NECTIN1: variants seen among roughly 807,000 people sequenced by gnomAD.
NECTIN1 encodes the protein nectin-1.
Under a neutral mutation model 48.0 loss-of-function variants are expected in NECTIN1, and 23 were observed. The observed-to-expected ratio is 0.48, with a 90% confidence interval of 0.34 to 0.68. The LOEUF (loss-of-function observed/expected upper bound fraction) is 0.68. Among genes scored for constraint, NECTIN1 ranks in the 30% least tolerant of loss-of-function variants. The pLI is 0.01. For synonymous variants in NECTIN1, 270 were observed against 288.9 expected (o/e 0.93, Z 0.66); for missense variants, 591 against 709.9 (o/e 0.83, Z 1.90).
At chr11:119,660,760 C>T (rs1484768303), downstream of NECTIN1, among the ~76,000 whole-genome samples, 1 of 152,178 alleles carries the variant, frequency 6.6e-6, no homozygotes, top group Admixed American at 6.5e-5. Context: ...GCCCACCCCT[C>T]CCTCTGCGAT....
At chr11:119,707,234 G>A (rs1865563899) in intron 1 of NECTIN1, among the ~76,000 whole-genome samples, 1 of 152,054 alleles carries the variant, frequency 6.6e-6, no homozygotes, top group South Asian at 2.1e-4. Context: ...CACTCCACCA[G>A]CCCAACCTCA....
intron 5 of NECTIN1, among the ~76,000 whole-genome samples, chr11:119,670,072 C>T (rs369767356): frequency 5.3e-5 from 8 of 151,844 alleles, no homozygotes; most frequent in African/African-American, 1.9e-4. Context: ...GATTCTCCTG[C>T]CTCAGCCTCT....
In NECTIN1 at chr11:119,678,352, G is replaced by A. The variant is rs1864997037; in HGVS notation, c.430+63C>T. The A allele has an allele frequency of 2.0e-6, 3 of 1,464,934 alleles. No individual in the cohort carries two copies. The Admixed American group carries it at 5.0e-5, about 24-fold the overall frequency. 90.7% of individuals were successfully genotyped at this position (1,464,934 alleles called of 1,614,324 possible). A position where few individuals can be genotyped will look rare whatever the true frequency, so the allele number is the denominator to read the frequency against. ...TCTGGGGTCATTGAGGCATCCTGAG[G>A]ATGGCCACGCCCCGAGGTCACAGGC... On this transcript the variant is annotated intron_variant, in intron 2 of 5. Coordinates refer to ENST00000264025, the MANE Select transcript of NECTIN1 (RefSeq NM_002855.5). The surrounding 1 kb of genome is among the most constrained non-coding windows in gnomAD (Gnocchi z 4.4).
At position 119,662,862 on chromosome 11, in the gene NECTIN1, C is replaced by T; in HGVS notation, c.*1885G>A. ...CAAATGTGTAGAGGGGAGAGCCGCA[C>T]CAGGGCTGGCATGGCTTCAGACTTC... On this transcript the variant is annotated 3_prime_UTR_variant, in exon 6 of 6. Coordinates refer to ENST00000264025, the MANE Select transcript of NECTIN1 (RefSeq NM_002855.5). This position sits in a 1 kb window ranked among gnomAD's most constrained non-coding sequence, Gnocchi z 5.3. 1.0e-6 allele frequency: 1 copy of T among 986,134 alleles called. No individual in the cohort carries two copies. The highest frequency in any genetic ancestry group is 1.2e-6 in the Non-Finnish European group (1 of 830,152). 61.1% of individuals were successfully genotyped at this position (986,134 alleles called of 1,614,324 possible).
At chr11:119,689,443 G>A (rs979058371) in intron 1 of NECTIN1, among the ~76,000 whole-genome samples, 1 of 152,200 alleles carries the variant, frequency 6.6e-6, no homozygotes, top group Non-Finnish European at 1.5e-5. Flanking sequence ...CATGCCCCAG[G>A]CACCTCCTGC....
chr11:119,638,728 C>A, intron 7 of NECTIN1: 2 of 1,613,434 alleles, frequency 1.2e-6, no homozygotes, highest in Non-Finnish European at 1.7e-6. Flanking sequence ...GCCTCAGGCC[C>A]ACCTGGATAT....
At chr11:119,657,311 C>T (rs1017879435), downstream of NECTIN1, among the ~76,000 whole-genome samples, 34 of 152,048 alleles carry the variant, frequency 2.2e-4, no homozygotes, top group Non-Finnish European at 4.0e-4. Context: ...TCCTGGGTAG[C>T]TTATTAAAAA....
Position 119,664,432 on chromosome 11 carries a change from A to T in NECTIN1, c.*315T>A. ...CTCCCCAAACCCTGGAGGGATGCCC[A>T]GGTACACAAGACGAGAACAGGGCTC... On this transcript the variant is annotated 3_prime_UTR_variant, in exon 6 of 6. Coordinates refer to ENST00000264025, the MANE Select transcript of NECTIN1 (RefSeq NM_002855.5). 8.7e-7 allele frequency: 1 copy of T among 1,143,226 alleles called. No homozygotes were observed. Among genetic ancestry groups the T allele is most frequent in the Non-Finnish European group, 1.1e-6 (1 of 927,996 alleles). The allele number at this position is 1,143,226 out of a possible 1,614,324, so 70.8% of individuals were successfully genotyped here. A position where few individuals can be genotyped will look rare whatever the true frequency, so the allele number is the denominator to read the frequency against.
chr11:119,696,863 T>G (rs904327619), intron 1 of NECTIN1, among the ~76,000 whole-genome samples: 3 of 152,306 alleles, frequency 2.0e-5, no homozygotes, highest in Admixed American at 2.0e-4. Flanking sequence ...TGCCACATTG[T>G]CTAGGGAAGA....
At chr11:119,653,393 C>T (rs1864519587) in intron 5 of NECTIN1, among the ~76,000 whole-genome samples, 1 of 152,204 alleles carries the variant, frequency 6.6e-6, no homozygotes. Context: ...GTGAATGTGG[C>T]CTCACATTCC....
chr11:119,678,795 G>C lies in NECTIN1; in HGVS notation c.80-30C>G, dbSNP rs749433412. The C allele has an allele frequency of 3.3e-6, 5 of 1,525,888 alleles. No homozygotes were observed. The highest frequency in any genetic ancestry group is 1.9e-5 in the Admixed American group (1 of 53,768). The allele number at this position is 1,525,888 out of a possible 1,614,324, so 94.5% of individuals were successfully genotyped here. On this transcript the variant is annotated intron_variant, in intron 1 of 5. Coordinates refer to ENST00000264025, the MANE Select transcript of NECTIN1 (RefSeq NM_002855.5). The surrounding 1 kb of genome is among the most constrained non-coding windows in gnomAD (Gnocchi z 4.4). ...CCAGGAGGATGGCAGCAAGTGGTCA[G>C]TGTCAGGCACAGCCTCCCCCCACCC...
At chr11:119,647,161 A>ATGTGTG (rs58590467) in intron 5 of NECTIN1, among the ~76,000 whole-genome samples, 3,189 of 84,608 alleles carry the variant, frequency 0.038, 245 homozygotes, top group Middle Eastern at 0.042. Flanking sequence ...CTTGCGGCGC[A>ATGTGTG]TGTGTGTGTG....
Position 119,728,602 on chromosome 11 carries a change from C to T in NECTIN1, c.-49G>A. 7.4e-7 allele frequency: 1 copy of T among 1,352,756 alleles called. No homozygotes were observed. The highest frequency in any genetic ancestry group is 1.0e-6 in the Non-Finnish European group (1 of 989,598). 83.8% of individuals were successfully genotyped at this position (1,352,756 alleles called of 1,614,324 possible). ...GGGGCGGCGAGGGCAGCGCTCCTCGCGCAGCAGAAACCAGCCCGGAAGATG... is the reference window on the plus strand; with the variant it reads ...GGGGCGGCGAGGGCAGCGCTCCTCGTGCAGCAGAAACCAGCCCGGAAGATG... On this transcript the variant is annotated 5_prime_UTR_variant, in exon 1 of 6. Transcript: ENST00000264025.
intron 6 of NECTIN1, among the ~76,000 whole-genome samples, chr11:119,639,007 C>G (rs900890867): frequency 5.3e-5 from 8 of 152,142 alleles, no homozygotes; most frequent in African/African-American, 1.9e-4. Context: ...GAGTGCCCGG[C>G]CACCTTTCCC....
At chr11:119,655,261 T>C (rs1864554008) in intron 5 of NECTIN1, among the ~76,000 whole-genome samples, 2 of 152,002 alleles carry the variant, frequency 1.3e-5, no homozygotes, top group African/African-American at 4.8e-5. Flanking sequence ...ACAATCAGAT[T>C]GAGTGGAAGG....
intron 1 of NECTIN1, among the ~76,000 whole-genome samples, chr11:119,708,191 T>C (rs1865579467): frequency 6.6e-6 from 1 of 151,968 alleles, no homozygotes; most frequent in South Asian, 2.1e-4. Flanking sequence ...CAGGAGTCCT[T>C]GAGACAGACA....
chr11:119,707,603 C>A (rs935532050), intron 1 of NECTIN1, among the ~76,000 whole-genome samples: 1 of 152,220 alleles, frequency 6.6e-6, no homozygotes, highest in African/African-American at 2.4e-5. Context: ...CCTGCTATGC[C>A]AAGTTGCAGA....
At chr11:119,702,482 G>T (rs893135910) in intron 1 of NECTIN1, among the ~76,000 whole-genome samples, 5 of 152,368 alleles carry the variant, frequency 3.3e-5, no homozygotes, top group African/African-American at 9.6e-5. Flanking sequence ...TAACTCTGCT[G>T]CTGGGAAGAA....
At chr11:119,680,939 C>G (rs1565389701) in intron 1 of NECTIN1, among the ~76,000 whole-genome samples, 1 of 152,244 alleles carries the variant, frequency 6.6e-6, no homozygotes, top group Non-Finnish European at 1.5e-5. Context: ...CTGCCTTTAG[C>G]AGGCAGTGGG....
Sources: gnomAD v4.1 joint callset for allele counts (sites outside exome capture counted in the v4.1 genomes callset) on GRCh38, gnomAD v4.1.1 for gene constraint, Gnocchi (gnomAD v3.1) non-coding constraint, MANE v1.5 for transcripts, NCBI Gene and HGNC (gene_info 2026-07-23, HGNC 2026-07-21) for gene names.